Variants in STXBP5 observed in about 807,000 individuals in gnomAD.
The protein encoded by STXBP5 is syntaxin-binding protein 5.
STXBP5 carries 50 observed loss-of-function variants against 152.4 expected under a neutral mutation model. That is an observed-to-expected ratio of 0.33 (90% CI 0.26 to 0.42). The LOEUF (loss-of-function observed/expected upper bound fraction) is 0.42, where lower values mean the gene tolerates loss of function less well. Among genes scored for constraint, STXBP5 ranks in the 10% least tolerant of loss-of-function variants. The pLI is 1.00. For missense variants in STXBP5, 1,167 were observed against 1,388.6 expected (o/e 0.84, Z 2.54); for synonymous variants, 492 against 494.7 (o/e 0.99, Z 0.07).
In STXBP5 at chr6:147,267,153, T is replaced by C; in HGVS notation, c.700T>C (p.Tyr234His). The C allele has an allele frequency of 1.9e-6, 3 of 1,609,422 alleles. No homozygotes were observed. The highest frequency in any genetic ancestry group is 2.5e-6 in the Non-Finnish European group (3 of 1,178,268). Residue 234 changes from tyrosine (Y) to histidine (H), a missense_variant, in exon 7 of 28, where the codon TAC (tyrosine) becomes CAC (histidine). Physicochemically the swap from Tyr to His is moderately conservative, Grantham distance 83. Transcript: ENST00000321680. ...CAAATCAAAGAAAGCCGACTACAGATACACATATGATGAGGTAATATTATT... is the reference window on the plus strand; with the variant it reads ...CAAATCAAAGAAAGCCGACTACAGACACACATATGATGAGGTAATATTATT... Reference protein sequence around the residue: ...DLKSKKADYRYTYDEAIHSVA... With the variant: ...DLKSKKADYRHTYDEAIHSVA...
chr6:147,239,784 C>A (rs903807880), intron 4 of STXBP5, among the ~76,000 whole-genome samples: 1 of 152,066 alleles, frequency 6.6e-6, no homozygotes, highest in African/African-American at 2.4e-5. Flanking sequence ...ATGTCTTTGT[C>A]TACATATACA....
intron 21 of STXBP5, among the ~76,000 whole-genome samples, chr6:147,349,607 G>T (rs1330057715): frequency 6.6e-6 from 1 of 152,144 alleles, no homozygotes; most frequent in Non-Finnish European, 1.5e-5. Context: ...TCTTAGATAA[G>T]TGTTCCAGAC....
At chr6:147,221,755 T>A (rs1387684144) in intron 2 of STXBP5, among the ~76,000 whole-genome samples, 2 of 151,812 alleles carry the variant, frequency 1.3e-5, no homozygotes, top group African/African-American at 2.4e-5. Flanking sequence ...TTTTTTTTTT[T>A]AGCATTTATT....
Position 147,316,305 on chromosome 6 carries a change from C to T in STXBP5, c.1700C>T (p.Thr567Ile), listed in dbSNP as rs759712780. Residue 567 changes from threonine to isoleucine, a missense_variant, in exon 16 of 28, where the codon ACA (threonine) becomes ATA (isoleucine). Around this residue, in one of 3 missense-constraint regions of STXBP5, gnomAD observed 833 missense variants for 986.3 expected, o/e 0.84. Coordinates refer to ENST00000321680, the MANE Select transcript of STXBP5 (RefSeq NM_001127715.4). Reference sequence around the variant, plus strand: ...GGTGAGCAGCCACCACCTTTGCCAACACCCGTGGGAGGGTCCAACCCTCAG... The same window carrying T: ...GGTGAGCAGCCACCACCTTTGCCAATACCCGTGGGAGGGTCCAACCCTCAG... The part of the protein sequence containing the change: ...PEGEQPPPLP[T>I]PVGGSNPQPI... 1.2e-6 allele frequency: 2 copies of T among 1,613,804 alleles called. No individual in the cohort carries two copies. Among genetic ancestry groups the T allele is most frequent in the Non-Finnish European group, 1.7e-6 (2 of 1,179,946 alleles).
intron 19 of STXBP5, among the ~76,000 whole-genome samples, chr6:147,334,853 A>G (rs1783750468): frequency 6.6e-6 from 1 of 152,104 alleles, no homozygotes; most frequent in Non-Finnish European, 1.5e-5. Context: ...AGTTAATATT[A>G]TTCACCAGTT....
intron 21 of STXBP5, among the ~76,000 whole-genome samples, chr6:147,340,789 A>G (rs1354130951): frequency 1.3e-5 from 2 of 152,130 alleles, no homozygotes; most frequent in Middle Eastern, 3.2e-3. Flanking sequence ...AGAATATGTA[A>G]CATGTAATAC....
At chr6:147,224,093 C>T (rs1777590027) in intron 2 of STXBP5, among the ~76,000 whole-genome samples, 2 of 152,176 alleles carry the variant, frequency 1.3e-5, no homozygotes, top group South Asian at 2.1e-4. Context: ...ATATAAAAGA[C>T]CTTGAAGTCT....
intron 4 of STXBP5, among the ~76,000 whole-genome samples, chr6:147,245,637 G>A (rs1443327049): frequency 6.6e-6 from 1 of 152,140 alleles, no homozygotes; most frequent in Non-Finnish European, 1.5e-5. Context: ...CCTAACCCCT[G>A]GTACCTATGA....
At chr6:147,266,689 C>T (rs1779908748) in intron 6 of STXBP5, among the ~76,000 whole-genome samples, 1 of 152,024 alleles carries the variant, frequency 6.6e-6, no homozygotes, top group Non-Finnish European at 1.5e-5. Context: ...AATTATGTGT[C>T]TGAATCTCAC....
chr6:147,217,104 C>CA (rs1777208477), intron 2 of STXBP5, among the ~76,000 whole-genome samples: 1 of 152,140 alleles, frequency 6.6e-6, no homozygotes, highest in Admixed American at 6.5e-5. Context: ...TCTGCTGTTT[C>CA]ACAGCAGCTC....
chr6:147,330,972 G>C (rs897816179), intron 18 of STXBP5, among the ~76,000 whole-genome samples: 1 of 152,156 alleles, frequency 6.6e-6, no homozygotes, highest in Admixed American at 6.5e-5. Flanking sequence ...TGAATATTTG[G>C]TTTTGGCTGA....
chr6:147,333,883 A>G (rs915489090), intron 18 of STXBP5, among the ~76,000 whole-genome samples: 2 of 152,192 alleles, frequency 1.3e-5, no homozygotes, highest in African/African-American at 4.8e-5. Context: ...TATAACGTCA[A>G]TCACCAGGCA....
intron 16 of STXBP5, among the ~76,000 whole-genome samples, chr6:147,322,370 C>A (rs1267702136): frequency 6.6e-6 from 1 of 152,200 alleles, no homozygotes; most frequent in South Asian, 2.1e-4. Flanking sequence ...AATGCATTGC[C>A]TTGCAAACCT....
chr6:147,207,991 C>T (rs370346183), intron 2 of STXBP5, among the ~76,000 whole-genome samples: 1 of 152,094 alleles, frequency 6.6e-6, no homozygotes, highest in African/African-American at 2.4e-5. Context: ...AGGTGTAAAG[C>T]GTTAGGCCTA....
At chr6:147,260,521 T>TATATATATATATA in intron 4 of STXBP5, 94 bp from the exon 5 acceptor site, 2 of 1,424,070 alleles carry the variant, frequency 1.4e-6, no homozygotes, top group Non-Finnish European at 2.0e-6. Flanking sequence ...AGTTTTGCTG[T>TATATATATATATA]TCCTGAATTA....
At chr6:147,259,809 A>G (rs1270055450) in intron 4 of STXBP5, among the ~76,000 whole-genome samples, 1 of 152,088 alleles carries the variant, frequency 6.6e-6, no homozygotes, top group Non-Finnish European at 1.5e-5. Flanking sequence ...AATAAGTGCT[A>G]TGAAAAGGAC....
In STXBP5 at chr6:147,366,448, T is replaced by C. The variant is rs1347105732; in HGVS notation, c.3081+2282T>C. Reference sequence around the variant, plus strand: ...AGAAGCCAGAAGTCCACAATCAGTTTTACTGAGGCAAAATCAATGTGCTAG... The same window carrying C: ...AGAAGCCAGAAGTCCACAATCAGTTCTACTGAGGCAAAATCAATGTGCTAG... On this transcript the variant is annotated intron_variant, in intron 25 of 27. Transcript: ENST00000321680. Among the ~76,000 whole-genome samples the C allele has an allele frequency of 2.0e-5, 3 of 152,302 alleles. No individual in the cohort carries two copies. In the East Asian group the frequency reaches 5.8e-4, roughly 29 times the overall value.
At chr6:147,246,163 C>G (rs1332474120) in intron 4 of STXBP5, among the ~76,000 whole-genome samples, 2 of 152,178 alleles carry the variant, frequency 1.3e-5, no homozygotes, top group Non-Finnish European at 2.9e-5. Context: ...GTTGCAGTAT[C>G]AGAATATGTT....
At chr6:147,272,845 C>A (rs1212154944) in intron 7 of STXBP5, among the ~76,000 whole-genome samples, 1 of 152,038 alleles carries the variant, frequency 6.6e-6, no homozygotes, top group Non-Finnish European at 1.5e-5. Flanking sequence ...TCTTTGCACC[C>A]TTGAGCTTTT....
Sources: allele counts gnomAD v4.1 joint callset (sites outside exome capture counted in the v4.1 genomes callset), GRCh38; gene constraint gnomAD v4.1.1; regional missense constraint gnomAD v4.1.1; transcripts MANE v1.5; gene names NCBI Gene and HGNC (gene_info 2026-07-23, HGNC 2026-07-21).